Variants in STK40 observed in about 807,000 individuals in gnomAD.
The protein encoded by STK40 is serine/threonine kinase 40, also known as serine/threonine-protein kinase 40.
A neutral mutation model predicts 47.9 loss-of-function variants in STK40; 13 were observed. The observed-to-expected ratio is 0.27, with a 90% CI of 0.18 to 0.43. The LOEUF is 0.43. Among genes scored for constraint, STK40 ranks in the 20% least tolerant of loss-of-function variants. The pLI, the probability that STK40 is intolerant of heterozygous loss-of-function variation, is 1.00. For synonymous variants in STK40, 225 were observed against 243.2 expected (o/e 0.93, Z 0.69); for missense variants, 460 against 595.1 (o/e 0.77, Z 2.36).
intron 3 of STK40, 96 bp from the exon 4 acceptor site, chr1:36,358,478 T>C (rs1428401402): frequency 5.4e-6 from 8 of 1,483,804 alleles, no homozygotes; most frequent in Admixed American, 4.1e-5. Context: ...TTTTACCACA[T>C]GACATTTGTG....
At chr1:36,372,437 AAAAAAAAAAAAG>A (rs1346861784) in intron 1 of STK40, among the ~76,000 whole-genome samples, 1 of 151,468 alleles carries the variant, frequency 6.6e-6, no homozygotes, top group Admixed American at 6.6e-5. Flanking sequence ...AAAAAAAAAA[AAAAAAAAAAAAG>A]AAAGAAAGAA....
intron 1 of STK40, among the ~76,000 whole-genome samples, chr1:36,368,989 A>C (rs1646923423): frequency 6.6e-6 from 1 of 152,184 alleles, no homozygotes; most frequent in Non-Finnish European, 1.5e-5. Flanking sequence ...CTGCTCGAAT[A>C]GCTCCCAAGA....
intron 7 of STK40, among the ~76,000 whole-genome samples, 163 bp from the exon 8 acceptor site, chr1:36,344,427 G>A (rs1403649881): frequency 1.3e-5 from 2 of 152,054 alleles, no homozygotes; most frequent in Non-Finnish European, 2.9e-5. Context: ...TGTTCCTCAG[G>A]ATGCACCTCT....
rs1348612079 is a variant in STK40 at position 36,342,808 on chromosome 1, G to C, written c.1089+556C>G. On this transcript the variant is annotated intron_variant, in intron 10 of 10. Transcript: ENST00000373132. ...ACACTGCTCACTGTGGAGCTCCAAG[G>C]TGGGCCAGGGAGGGAAGGTCCTTCC... is the stretch of plus-strand genomic sequence containing the variant. 1.3e-5 allele frequency: 3 copies of C among 239,130 alleles called. No homozygotes were observed. In the Admixed American group the frequency reaches 1.6e-4, roughly 13 times the overall value. The allele number at this position is 239,130 out of a possible 1,614,324, so 14.8% of individuals were successfully genotyped here. A position where few individuals can be genotyped will look rare whatever the true frequency, so the allele number is the denominator to read the frequency against.
chr1:36,371,422 T>C (rs1193630977), intron 1 of STK40, among the ~76,000 whole-genome samples: 1 of 149,914 alleles, frequency 6.7e-6, no homozygotes, highest in Non-Finnish European at 1.5e-5. Flanking sequence ...GGCGTGCTGG[T>C]GGGCGCCTGT....
intron 7 of STK40, among the ~76,000 whole-genome samples, chr1:36,346,976 G>A (rs2124727055): frequency 6.6e-6 from 1 of 152,322 alleles, no homozygotes; most frequent in South Asian, 2.1e-4. Context: ...TGGGGGTGGT[G>A]CCCCAGGAGT....
At chr1:36,354,615 C>T (rs1240787046) in intron 5 of STK40, among the ~76,000 whole-genome samples, 199 bp from the exon 6 acceptor site, 1 of 152,190 alleles carries the variant, frequency 6.6e-6, no homozygotes, top group Non-Finnish European at 1.5e-5. Flanking sequence ...AATGAATGTG[C>T]ACCTAGTCAG....
chr1:36,344,229 C>A lies in STK40; in HGVS notation c.775G>T (p.Ala259Ser), dbSNP rs2124724537. The change falls in exon 8 of 11, where the codon GCC becomes TCC. Residue 259 changes from alanine (A) to serine (S), a missense_variant. Around this residue, in one of 3 missense-constraint regions of STK40, gnomAD observed 277 missense variants for 358.7 expected, o/e 0.77. Coordinates refer to ENST00000373132, the MANE Select transcript of STK40 (RefSeq NM_001282547.2). ...PYRGKPSDMW[A>S]LGVVLFTMLY... ...ATGGTGAAGAGCACCACGCCCAGGG[C>A]CCACATGTCACTGGGCTTGCCACGG... 6.2e-7 allele frequency: 1 copy of A among 1,612,098 alleles called. No homozygotes were observed. The highest frequency in any genetic ancestry group is 8.5e-7 in the Non-Finnish European group (1 of 1,179,134).
intron 1 of STK40, among the ~76,000 whole-genome samples, chr1:36,370,771 G>A (rs1007729160): frequency 1.3e-5 from 2 of 152,124 alleles, no homozygotes; most frequent in Non-Finnish European, 2.9e-5. Context: ...ATCCATGGGG[G>A]ATTGGTTCCA....
chr1:36,385,421 C>T (rs1466064106), intron 1 of STK40, among the ~76,000 whole-genome samples: 1 of 152,204 alleles, frequency 6.6e-6, no homozygotes, highest in Non-Finnish European at 1.5e-5. Flanking sequence ...TGGATTCACA[C>T]GCCGGTTGCT....
chr1:36,361,434 C>T, intron 1 of STK40, 94 bp from the exon 2 acceptor site: 1 of 1,560,574 alleles, frequency 6.4e-7, no homozygotes, highest in Non-Finnish European at 8.6e-7. Flanking sequence ...GGATGCATCA[C>T]ACAGCTGCCG....
chr1:36,351,701 C>T (rs577073930), intron 6 of STK40, among the ~76,000 whole-genome samples: 5 of 118,584 alleles, frequency 4.2e-5, no homozygotes, highest in Admixed American at 1.8e-4. Context: ...GCCACGCCGG[C>T]GTATGCAGGG....
intron 1 of STK40, among the ~76,000 whole-genome samples, chr1:36,380,848 A>G (rs539935539): frequency 1.3e-5 from 2 of 152,344 alleles, no homozygotes; most frequent in South Asian, 4.1e-4. Context: ...AAGTCCAGAC[A>G]GGGGTCTACA....
Position 36,354,426 on chromosome 1 carries a change from A to G in STK40, c.571-10T>C, listed in dbSNP as rs764988027. The G allele has an allele frequency of 1.2e-6, 2 of 1,613,992 alleles. No homozygotes were observed. Among genetic ancestry groups the G allele is most frequent in the South Asian group, 2.2e-5 (2 of 91,076 alleles). On this transcript the variant is annotated splice_polypyrimidine_tract_variant and intron_variant, in intron 5 of 10. Transcript: ENST00000373132. ...TGTGCACGATATTTTTCTGTAAAACAACAGGCGTATGGTTTACATTGTCAA... is the reference window on the plus strand; with the variant it reads ...TGTGCACGATATTTTTCTGTAAAACGACAGGCGTATGGTTTACATTGTCAA...
intron 2 of STK40, among the ~76,000 whole-genome samples, chr1:36,359,617 T>C (rs990752151): frequency 6.6e-6 from 1 of 152,134 alleles, no homozygotes; most frequent in Admixed American, 6.5e-5. Context: ...GCTTTGAGAG[T>C]GGAAATCTGA....
At chr1:36,376,802 A>G (rs991013949) in intron 1 of STK40, among the ~76,000 whole-genome samples, 1 of 144,828 alleles carries the variant, frequency 6.9e-6, no homozygotes, top group Non-Finnish European at 1.5e-5. Flanking sequence ...TCTAGAAGAA[A>G]TTTTTTTTTT....
chr1:36,350,980 C>T (rs773130240), intron 6 of STK40, among the ~76,000 whole-genome samples: 2 of 152,186 alleles, frequency 1.3e-5, no homozygotes, highest in East Asian at 1.9e-4. Context: ...CATGGCTCCC[C>T]GGGAGTCCCA....
intron 1 of STK40, among the ~76,000 whole-genome samples, chr1:36,381,538 T>C (rs1217705318): frequency 6.6e-6 from 1 of 152,142 alleles, no homozygotes; most frequent in Non-Finnish European, 1.5e-5. Context: ...TCGAGTGCAG[T>C]GGTGTGATTA....
rs761896393 is a variant in STK40 at position 36,358,612 on chromosome 1, C to T, written c.198+125G>A. 35 of 1,194,258 alleles carry T rather than the reference C, an allele frequency of 2.9e-5. 1 individual carries two copies. The highest frequency in any genetic ancestry group is 1.6e-4 in the South Asian group (11 of 68,906). The allele number at this position is 1,194,258 out of a possible 1,614,324, so 74.0% of individuals were successfully genotyped here. On this transcript the variant is annotated intron_variant, in intron 3 of 10. Transcript: ENST00000373132. Reference sequence around the variant, plus strand: ...CTGAGGGAGACTGTGAACTTGATTGCTTCTCGGGAAGAAATGGCGCTACTC... The same window carrying T: ...CTGAGGGAGACTGTGAACTTGATTGTTTCTCGGGAAGAAATGGCGCTACTC...
Sources: gnomAD v4.1 joint callset for allele counts (sites outside exome capture counted in the v4.1 genomes callset) on GRCh38, gnomAD v4.1.1 for gene constraint, gnomAD v4.1.1 regional missense constraint, MANE v1.5 for transcripts, NCBI Gene and HGNC (gene_info 2026-07-23, HGNC 2026-07-21) for gene names.